VPS13D: variants seen among roughly 807,000 people sequenced by gnomAD.
VPS13D encodes vacuolar protein sorting 13 homolog D.
In VPS13D, 187 loss-of-function variants were observed where a neutral mutation model predicts 461.9. That is an observed-to-expected ratio of 0.40 (90% CI 0.36 to 0.46). The LOEUF is 0.46. VPS13D is among the 20% of genes least tolerant of loss of function. VPS13D has a pLI of 0.60. For missense variants in VPS13D, 4,711 were observed against 5,364.9 expected, an observed-to-expected ratio of 0.88 and a Z score of 3.81; for synonymous variants, 1,951 against 1,986.3, an observed-to-expected ratio of 0.98 and a Z score of 0.47.
Position 12,258,143 on chromosome 1 carries a change from A to G in VPS13D, c.1110+40A>G, listed in dbSNP as rs763908273. ...GTCTTGTGTTTCTTGTCTTATTCAG[A>G]AGATAAGAATGTTCTCTCAAAGACT... On this transcript the variant is annotated intron_variant, in intron 10 of 69. Transcript: ENST00000620676. 7 of 1,606,310 alleles carry G rather than the reference A, an allele frequency of 4.4e-6. No homozygotes were observed. The Admixed American group carries it at 1.2e-4, about 27-fold the overall frequency.
intron 29 of VPS13D, among the ~76,000 whole-genome samples, chr1:12,312,898 T>C (rs1458327513): frequency 6.6e-6 from 1 of 152,268 alleles, no homozygotes; most frequent in East Asian, 1.9e-4. Flanking sequence ...TCCCTTGAAA[T>C]GGGGCATATG....
At chr1:12,413,367 G>A (rs1015833211) in intron 63 of VPS13D, among the ~76,000 whole-genome samples, 4 of 152,068 alleles carry the variant, frequency 2.6e-5, no homozygotes, top group African/African-American at 9.7e-5. Flanking sequence ...ACCTGTAGGG[G>A]GAGGCTGAGG....
At chr1:12,355,449 CGAT>C (rs1316496417) in intron 47 of VPS13D, among the ~76,000 whole-genome samples, 2 of 152,066 alleles carry the variant, frequency 1.3e-5, no homozygotes, top group Non-Finnish European at 1.5e-5. Flanking sequence ...TAATTAGAAA[CGAT>C]GAATGTTTGA....
At chr1:12,303,123 T>C (rs1341717127) in intron 25 of VPS13D, among the ~76,000 whole-genome samples, 3 of 152,232 alleles carry the variant, frequency 2.0e-5, no homozygotes, top group Non-Finnish European at 4.4e-5. Flanking sequence ...TTTGAATACA[T>C]TTGCATGTGT....
At chr1:12,293,108 A>G (rs1642180943) in intron 23 of VPS13D, among the ~76,000 whole-genome samples, 1 of 152,224 alleles carries the variant, frequency 6.6e-6, no homozygotes, top group Non-Finnish European at 1.5e-5. Context: ...TTCTGCCTCT[A>G]GAAGACAGTT....
At chr1:12,445,016 G>C (rs945929751) in intron 65 of VPS13D, among the ~76,000 whole-genome samples, 1 of 152,158 alleles carries the variant, frequency 6.6e-6, no homozygotes, top group Non-Finnish European at 1.5e-5. Flanking sequence ...AGAGGGACTT[G>C]TATTTTTGAA....
At chr1:12,406,032 A>G (rs1644649454) in intron 63 of VPS13D, among the ~76,000 whole-genome samples, 1 of 151,932 alleles carries the variant, frequency 6.6e-6, no homozygotes, top group Non-Finnish European at 1.5e-5. Context: ...TGAATGTTTC[A>G]TCTGGCACTG....
chr1:12,497,393 T>G, intron 67 of VPS13D, 107 bp from the exon 68 acceptor site: 1 of 1,358,348 alleles, frequency 7.4e-7, no homozygotes, highest in Non-Finnish European at 1.0e-6. Flanking sequence ...GTTCACTAAA[T>G]GTAAAGTATG....
chr1:12,291,711 G>A (rs1011290101), intron 23 of VPS13D, among the ~76,000 whole-genome samples: 3 of 152,138 alleles, frequency 2.0e-5, no homozygotes, highest in African/African-American at 7.2e-5. Context: ...GGTTTTCCAC[G>A]AACTTGGTGT....
At chr1:12,324,378 G>T (rs1248822538) in intron 35 of VPS13D, among the ~76,000 whole-genome samples, 1 of 152,162 alleles carries the variant, frequency 6.6e-6, no homozygotes, top group Non-Finnish European at 1.5e-5. Context: ...GGTGGCTCAT[G>T]CCTGTAATCC....
intron 31 of VPS13D, among the ~76,000 whole-genome samples, chr1:12,318,540 G>A (rs1033877481): frequency 4.6e-5 from 7 of 152,134 alleles, no homozygotes; most frequent in African/African-American, 1.4e-4. Flanking sequence ...CTGCGGGGTC[G>A]CTTGTCCCTG....
chr1:12,500,464 C>T (rs1262352148), intron 68 of VPS13D, among the ~76,000 whole-genome samples: 1 of 151,950 alleles, frequency 6.6e-6, no homozygotes, highest in African/African-American at 2.4e-5. Context: ...TATTTTATTT[C>T]TAATACTGCA....
chr1:12,472,878 C>T (rs2100455478), intron 67 of VPS13D, among the ~76,000 whole-genome samples: 1 of 152,354 alleles, frequency 6.6e-6, no homozygotes, highest in Admixed American at 6.5e-5. Flanking sequence ...AGCATCTGCT[C>T]AGGCAGTCTG....
At chr1:12,236,565 T>C (rs1640153974) in intron 2 of VPS13D, among the ~76,000 whole-genome samples, 1 of 151,992 alleles carries the variant, frequency 6.6e-6, no homozygotes, top group Non-Finnish European at 1.5e-5. Flanking sequence ...ATTTTTTTGG[T>C]AGAGATGGGG....
intron 66 of VPS13D, among the ~76,000 whole-genome samples, chr1:12,459,698 C>T (rs1645381960): frequency 6.6e-6 from 1 of 151,950 alleles, no homozygotes; most frequent in Admixed American, 6.6e-5. Context: ...AGGATGGTCT[C>T]GATCTCTTGA....
intron 67 of VPS13D, chr1:12,478,545 A>T (rs1312610061): frequency 3.1e-6 from 1 of 324,468 alleles, no homozygotes; most frequent in African/African-American, 2.2e-5. Flanking sequence ...TGTCCTGTTT[A>T]ACCCTCTCAC....
chr1:12,243,818 G>A (rs1470900157), intron 3 of VPS13D, among the ~76,000 whole-genome samples: 1 of 152,150 alleles, frequency 6.6e-6, no homozygotes, highest in Admixed American at 6.5e-5. Flanking sequence ...GTATGTTCAA[G>A]ATTGAATATA....
intron 58 of VPS13D, among the ~76,000 whole-genome samples, chr1:12,383,827 T>C (rs1019621513): frequency 6.6e-6 from 1 of 152,206 alleles, no homozygotes; most frequent in Non-Finnish European, 1.5e-5. Context: ...TGGACCATCA[T>C]TGACCAATAA....
At chr1:12,259,905 T>G (rs945904395) in intron 10 of VPS13D, among the ~76,000 whole-genome samples, 6 of 151,936 alleles carry the variant, frequency 3.9e-5, no homozygotes, top group Non-Finnish European at 5.9e-5. Context: ...GGAAGAGCGA[T>G]AACTAGGCTG....
Sources: gnomAD v4.1 joint callset for allele counts (sites outside exome capture counted in the v4.1 genomes callset) on GRCh38, gnomAD v4.1.1 for gene constraint, MANE v1.5 for transcripts, NCBI Gene and HGNC (gene_info 2026-07-23, HGNC 2026-07-21) for gene names.